ACTR3C: variants seen among roughly 807,000 people sequenced by gnomAD.
ACTR3C encodes the protein actin related protein 3C, also known as actin-related protein 3C.
ACTR3C carries 18 observed loss-of-function variants against 26.3 expected under a neutral mutation model. That is an observed-to-expected ratio of 0.68 (90% CI 0.47 to 1.01). The LOEUF (loss-of-function observed/expected upper bound fraction) is 1.01. Among genes scored for constraint, ACTR3C ranks in the 50% least tolerant of loss-of-function variants. The pLI, the probability that ACTR3C is intolerant of heterozygous loss-of-function variation, is 0.00. For missense variants in ACTR3C, 184 were observed against 250.7 expected, an observed-to-expected ratio of 0.73 and a Z score of 1.80; for synonymous variants, 55 against 94.5, an observed-to-expected ratio of 0.58 and a Z score of 2.42.
At chr7:150,174,712 A>G in the ACTR3C span, among the ~76,000 whole-genome samples, 1 of 143,632 alleles carries the variant, frequency 7.0e-6, no homozygotes, top group African/African-American at 3.0e-5. Context: ...CCTTACATCT[A>G]TTAGAGAAAT....
At chr7:150,110,559 T>TGAGGGTGG in the ACTR3C span, among the ~76,000 whole-genome samples, 1 of 27,628 alleles carries the variant, frequency 3.6e-5, no homozygotes, top group African/African-American at 1.6e-4. Context: ...AGATTCACTC[T>TGAGGGTGG]GGCTGGAGCA....
At chr7:150,182,224 T>C in the ACTR3C span, among the ~76,000 whole-genome samples, 1 of 150,558 alleles carries the variant, frequency 6.6e-6, no homozygotes, top group Non-Finnish European at 1.5e-5. Context: ...TATAATCTAC[T>C]ATTGATTACT....
chr7:150,240,322 T>A (rs532096877), downstream of ACTR3C, among the ~76,000 whole-genome samples: 22 of 152,334 alleles, frequency 1.4e-4, no homozygotes, highest in Admixed American at 2.0e-4. Context: ...GGAAACCTCG[T>A]CTTTCTAATT....
the ACTR3C span, among the ~76,000 whole-genome samples, chr7:150,235,701 G>A: frequency 6.6e-6 from 1 of 152,142 alleles, no homozygotes; most frequent in African/African-American, 2.4e-5. Flanking sequence ...AACTACATAT[G>A]TTGCTTTTAA....
At chr7:150,067,194 C>T in the ACTR3C span, among the ~76,000 whole-genome samples, 318 of 152,324 alleles carry the variant, frequency 2.1e-3, no homozygotes, top group Admixed American at 5.2e-3. Flanking sequence ...AGGAAGGCAG[C>T]GTAGCCAGGA....
At chr7:150,199,725 C>CAAAAAA in the ACTR3C span, among the ~76,000 whole-genome samples, 15 of 86,066 alleles carry the variant, frequency 1.7e-4, no homozygotes, top group Admixed American at 4.4e-4. Flanking sequence ...ATATTTTTAT[C>CAAAAAA]AAAAAAAAAA....
intron 6 of ACTR3C, among the ~76,000 whole-genome samples, chr7:150,273,461 G>C (rs1047911300): frequency 2.0e-5 from 3 of 151,634 alleles, no homozygotes; most frequent in African/African-American, 7.3e-5. Flanking sequence ...TGGTAGATGG[G>C]GTCTCCCTGT....
At chr7:149,902,982 T>A in the ACTR3C span, among the ~76,000 whole-genome samples, 2 of 38,714 alleles carry the variant, frequency 5.2e-5, no homozygotes, top group African/African-American at 9.1e-5. Flanking sequence ...TCCAAAACCA[T>A]ATGATCATCT....
At chr7:149,977,459 G>GA in the ACTR3C span, among the ~76,000 whole-genome samples, 1 of 152,192 alleles carries the variant, frequency 6.6e-6, no homozygotes, top group Non-Finnish European at 1.5e-5. Flanking sequence ...GGTTGCTTTG[G>GA]ATGGGAACCC....
At chr7:150,049,755 C>T in the ACTR3C span, among the ~76,000 whole-genome samples, 1 of 152,222 alleles carries the variant, frequency 6.6e-6, no homozygotes, top group Non-Finnish European at 1.5e-5. Flanking sequence ...CCCAAGCTTT[C>T]AATCCAGTGT....
chr7:150,078,388 TAAGA>T, the ACTR3C span, among the ~76,000 whole-genome samples: 2 of 148,184 alleles, frequency 1.3e-5, no homozygotes, highest in Non-Finnish European at 1.5e-5. Context: ...ATTCTCTGGT[TAAGA>T]AAGAGTCTGG....
chr7:150,039,352 G>A, the ACTR3C span, among the ~76,000 whole-genome samples: 4 of 145,942 alleles, frequency 2.7e-5, no homozygotes, highest in Non-Finnish European at 6.1e-5. Flanking sequence ...CACCCTCGTG[G>A]GGTTGCCTCC....
the ACTR3C span, among the ~76,000 whole-genome samples, chr7:149,945,417 T>C: frequency 0.092 from 13,966 of 151,972 alleles, 2,147 homozygotes; most frequent in African/African-American, 0.32. Flanking sequence ...TGGCGGGGCA[T>C]TGCCTGTGTG....
chr7:150,033,994 G>A, the ACTR3C span, among the ~76,000 whole-genome samples: 7 of 151,428 alleles, frequency 4.6e-5, no homozygotes, highest in African/African-American at 1.7e-4. Flanking sequence ...CGCCTCGGGG[G>A]GATTGCCTGC....
the ACTR3C span, among the ~76,000 whole-genome samples, chr7:150,089,878 T>G: frequency 6.6e-6 from 1 of 152,242 alleles, no homozygotes; most frequent in Non-Finnish European, 1.5e-5. Context: ...TTCAATCCAC[T>G]TGCACAGTTG....
At chr7:150,149,825 G>T in the ACTR3C span, among the ~76,000 whole-genome samples, 1 of 152,020 alleles carries the variant, frequency 6.6e-6, no homozygotes, top group Admixed American at 6.5e-5. Flanking sequence ...AGGTTATAAA[G>T]GTATTTGTTT....
chr7:150,038,158 G>A, the ACTR3C span, among the ~76,000 whole-genome samples: 3 of 142,680 alleles, frequency 2.1e-5, no homozygotes, highest in South Asian at 2.2e-4. Flanking sequence ...ACAAAATGGG[G>A]GGCCTTTATG....
At chr7:150,023,338 C>CATACTTACATAG in the ACTR3C span, among the ~76,000 whole-genome samples, 1 of 46,056 alleles carries the variant, frequency 2.2e-5, no homozygotes, top group African/African-American at 7.2e-5. Context: ...TACATACATA[C>CATACTTACATAG]ATATATATTT....
the ACTR3C span, among the ~76,000 whole-genome samples, chr7:150,030,442 T>C: frequency 6.6e-6 from 1 of 151,986 alleles, no homozygotes; most frequent in African/African-American, 2.4e-5. Flanking sequence ...TATTCTAGAC[T>C]CTTCATGGGA....
Sources: allele counts gnomAD v4.1 joint callset (sites outside exome capture counted in the v4.1 genomes callset), GRCh38; gene constraint gnomAD v4.1.1; transcripts MANE v1.5; gene names NCBI Gene and HGNC (gene_info 2026-07-23, HGNC 2026-07-21).